Variants in TRHDE observed in about 807,000 individuals in gnomAD.
The protein encoded by TRHDE is thyrotropin releasing hormone degrading enzyme.
In TRHDE, 72 loss-of-function variants were observed where a neutral mutation model predicts 125.7. The observed-to-expected ratio is 0.57, with a 90% CI of 0.47 to 0.70. TRHDE has a LOEUF of 0.70. TRHDE is among the 30% of genes least tolerant of loss of function. The pLI, the probability that TRHDE is intolerant of heterozygous loss-of-function variation, is 0.00. For missense variants in TRHDE, 1,110 were observed against 1,327.1 expected (o/e 0.84, Z 2.54); for synonymous variants, 509 against 509.1 (o/e 1.00, Z 0.00).
At chr12:72,371,048 T>G (rs1355277627) in intron 2 of TRHDE, among the ~76,000 whole-genome samples, 2 of 152,040 alleles carry the variant, frequency 1.3e-5, no homozygotes, top group Non-Finnish European at 2.9e-5. Flanking sequence ...CCTGGCCAAT[T>G]CCCACACATT....
At chr12:72,508,262 A>G (rs974368201) in intron 6 of TRHDE, among the ~76,000 whole-genome samples, 4 of 152,188 alleles carry the variant, frequency 2.6e-5, no homozygotes, top group Non-Finnish European at 5.9e-5. Context: ...TTATAGATCC[A>G]TTAACAGCTT....
At chr12:72,119,960 T>A (rs1875536967) in intron 2 of TRHDE, among the ~76,000 whole-genome samples, 1 of 152,208 alleles carries the variant, frequency 6.6e-6, no homozygotes, top group Non-Finnish European at 1.5e-5. Context: ...TCATTGGGCC[T>A]TTTATTTTAT....
At chr12:72,237,264 A>G (rs1565669539) in intron 2 of TRHDE, among the ~76,000 whole-genome samples, 2 of 152,346 alleles carry the variant, frequency 1.3e-5, no homozygotes, top group South Asian at 4.1e-4. Context: ...ATAGTGAAAA[A>G]AGAGAGAGTT....
chr12:72,456,986 T>A (rs190970508), intron 3 of TRHDE, among the ~76,000 whole-genome samples: 4 of 152,256 alleles, frequency 2.6e-5, no homozygotes, highest in Admixed American at 2.6e-4. Flanking sequence ...AAAGCCACTT[T>A]CTTTAAACTC....
At chr12:72,497,806 G>A (rs1409127912) in intron 5 of TRHDE, among the ~76,000 whole-genome samples, 4 of 151,954 alleles carry the variant, frequency 2.6e-5, no homozygotes, top group Non-Finnish European at 4.4e-5. Context: ...TGAGATCTTA[G>A]TGTTGCTTTT....
chr12:72,500,433 C>A (rs141319680), intron 6 of TRHDE, among the ~76,000 whole-genome samples: 8,638 of 152,140 alleles, frequency 0.057, 311 homozygotes, highest in Admixed American at 0.12. Flanking sequence ...CACTCTGTCG[C>A]CAGGCTGGAG....
chr12:72,181,333 G>C (rs972046486), intron 2 of TRHDE, among the ~76,000 whole-genome samples: 1 of 152,036 alleles, frequency 6.6e-6, no homozygotes, highest in Non-Finnish European at 1.5e-5. Context: ...TTAATGCTTC[G>C]AGTTCGTCTC....
At chr12:72,511,322 TTATAAA>T (rs1878572330) in intron 6 of TRHDE, among the ~76,000 whole-genome samples, 1 of 152,178 alleles carries the variant, frequency 6.6e-6, no homozygotes. Context: ...TTTCTTTTTG[TTATAAA>T]TATAGAAGTG....
At chr12:72,348,757 C>A (rs1870447890) in intron 2 of TRHDE, among the ~76,000 whole-genome samples, 1 of 151,912 alleles carries the variant, frequency 6.6e-6, no homozygotes, top group African/African-American at 2.4e-5. Flanking sequence ...GACCTACATA[C>A]CCAGAAATAT....
intron 2 of TRHDE, among the ~76,000 whole-genome samples, chr12:72,164,295 G>A (rs1281051168): frequency 6.6e-6 from 1 of 152,164 alleles, no homozygotes; most frequent in African/African-American, 2.4e-5. Context: ...GCCAACTCTG[G>A]CGACAACCAC....
chr12:72,200,486 T>A (rs936615158), intron 2 of TRHDE, among the ~76,000 whole-genome samples: 2 of 152,080 alleles, frequency 1.3e-5, no homozygotes, highest in African/African-American at 2.4e-5. Flanking sequence ...TCTACAAAAA[T>A]TTTTTTTGAT....
intron 2 of TRHDE, among the ~76,000 whole-genome samples, chr12:72,146,296 T>C (rs186078499): frequency 6.6e-6 from 1 of 152,348 alleles, no homozygotes. Context: ...TTAATAAGCT[T>C]GCAGAAACTC....
At chr12:72,617,903 C>G (rs1343125921) in intron 12 of TRHDE, among the ~76,000 whole-genome samples, 2 of 152,102 alleles carry the variant, frequency 1.3e-5, no homozygotes, top group African/African-American at 4.8e-5. Flanking sequence ...AAGGCCCTAC[C>G]TCTGAATAGA....
At chr12:72,371,788 T>A (rs1305474010) in intron 2 of TRHDE, among the ~76,000 whole-genome samples, 1 of 152,186 alleles carries the variant, frequency 6.6e-6, no homozygotes, top group Non-Finnish European at 1.5e-5. Context: ...ATCCAATCTA[T>A]CATTGTTGGA....
intron 2 of TRHDE, among the ~76,000 whole-genome samples, chr12:72,153,345 C>G (rs910500928): frequency 6.6e-6 from 1 of 152,108 alleles, no homozygotes; most frequent in African/African-American, 2.4e-5. Flanking sequence ...TTCAAAAAAC[C>G]AGCTCCTGGA....
intron 2 of TRHDE, among the ~76,000 whole-genome samples, chr12:72,317,189 G>T (rs1056867748): frequency 1.3e-5 from 2 of 152,106 alleles, no homozygotes; most frequent in South Asian, 2.1e-4. Context: ...GTGAATTTAG[G>T]CTGCTTCATT....
chr12:72,387,014 G>A (rs568443879), intron 3 of TRHDE, among the ~76,000 whole-genome samples: 1 of 152,158 alleles, frequency 6.6e-6, no homozygotes, highest in Admixed American at 6.5e-5. Context: ...TACATTGGTA[G>A]TGGCCTCCCT....
At chr12:72,197,197 T>A (rs1288069619) in intron 2 of TRHDE, among the ~76,000 whole-genome samples, 1 of 152,134 alleles carries the variant, frequency 6.6e-6, no homozygotes, top group East Asian at 1.9e-4. Context: ...TTCTCAGATT[T>A]TCTTATACAT....
intron 3 of TRHDE, among the ~76,000 whole-genome samples, chr12:72,419,763 G>A (rs1873876350): frequency 6.6e-6 from 1 of 152,116 alleles, no homozygotes; most frequent in Non-Finnish European, 1.5e-5. Flanking sequence ...CTATAAATTA[G>A]CAGATTAAGG....
Sources: allele counts gnomAD v4.1 joint callset (sites outside exome capture counted in the v4.1 genomes callset), GRCh38; gene constraint gnomAD v4.1.1; transcripts MANE v1.5; gene names NCBI Gene and HGNC (gene_info 2026-07-23, HGNC 2026-07-21).